The following NRG1 variants were observed in gnomAD, a reference collection of about 807,000 sequenced individuals.
The protein encoded by NRG1 is pro-neuregulin-1, membrane-bound isoform.
Under a neutral mutation model 63.8 loss-of-function variants are expected in NRG1, and 18 were observed. The ratio of observed to expected loss-of-function variants is 0.28; its 90% confidence interval spans 0.19 to 0.42. NRG1 has a LOEUF of 0.42. NRG1 is among the 10% of genes least tolerant of loss of function. The pLI, the probability that NRG1 is intolerant of heterozygous loss-of-function variation, is 1.00. For synonymous variants in NRG1, 302 were observed against 301.3 expected, an observed-to-expected ratio of 1.00 and a Z score of -0.02; for missense variants, 762 against 814.7, an observed-to-expected ratio of 0.94 and a Z score of 0.79.
At chr8:31,918,491 T>A (rs1309314764) in intron 1 of NRG1, among the ~76,000 whole-genome samples, 4 of 152,264 alleles carry the variant, frequency 2.6e-5, no homozygotes, top group Non-Finnish European at 5.9e-5. Context: ...TCTGTTTATA[T>A]GCTGGATTAC....
intron 1 of NRG1, among the ~76,000 whole-genome samples, chr8:31,788,181 G>A (rs1471262630): frequency 1.3e-5 from 2 of 151,738 alleles, no homozygotes; most frequent in African/African-American, 4.8e-5. Context: ...ATAAAAATTG[G>A]GAAAAAATTA....
At chr8:32,431,423 G>C (rs545591886) in intron 1 of NRG1, among the ~76,000 whole-genome samples, 2 of 152,094 alleles carry the variant, frequency 1.3e-5, no homozygotes, top group Non-Finnish European at 2.9e-5. Context: ...TTATTCTCAG[G>C]CCTCCCAGGG....
rs113885858 is a variant in NRG1 at position 32,247,597 on chromosome 8, G to T, written c.38-348231G>T. ...TTTGGGAGGGAAAATATCAAAAGTT[G>T]TCAGGAGATTGGGACACTTTACTAG... On this transcript the variant is annotated intron_variant, in intron 1 of 10. Transcript: ENST00000519301. Among the ~76,000 whole-genome samples the T allele has an allele frequency of 1.9e-4, 29 of 152,166 alleles. 1 individual carries two copies. Among genetic ancestry groups the T allele is most frequent in the African/African-American group, 5.5e-4 (23 of 41,550 alleles).
chr8:32,144,611 C>T (rs1836667319), intron 1 of NRG1, among the ~76,000 whole-genome samples: 1 of 152,066 alleles, frequency 6.6e-6, no homozygotes, highest in African/African-American at 2.4e-5. Flanking sequence ...GCAGGAATTC[C>T]CTTCATTGAC....
intron 1 of NRG1, among the ~76,000 whole-genome samples, chr8:32,005,345 G>A (rs768915236): frequency 1.3e-5 from 2 of 151,910 alleles, no homozygotes; most frequent in Admixed American, 6.6e-5. Flanking sequence ...GGAAGACATC[G>A]TAGAAATTCC....
At chr8:32,444,115 T>C (rs1819936514) in intron 1 of NRG1, among the ~76,000 whole-genome samples, 1 of 150,890 alleles carries the variant, frequency 6.6e-6, no homozygotes, top group Non-Finnish European at 1.5e-5. Context: ...TTTCTGTCTG[T>C]CTGTCTGTCT....
intron 1 of NRG1, among the ~76,000 whole-genome samples, chr8:31,813,746 C>T (rs57944655): frequency 0.16 from 23,686 of 151,798 alleles, 2,146 homozygotes; most frequent in Non-Finnish European, 0.19. Flanking sequence ...AGGCTGGTCT[C>T]GAACTCCTCG....
At chr8:31,999,135 G>A (rs1812514647) in intron 1 of NRG1, among the ~76,000 whole-genome samples, 1 of 151,720 alleles carries the variant, frequency 6.6e-6, no homozygotes, top group Admixed American at 6.6e-5. Context: ...AACACTGGAA[G>A]TATTTTCCAA....
At chr8:32,378,768 C>T (rs1018339430) in intron 1 of NRG1, among the ~76,000 whole-genome samples, 2 of 145,464 alleles carry the variant, frequency 1.4e-5, no homozygotes, top group African/African-American at 2.5e-5. Context: ...ATCCCTCCCC[C>T]GTCCCCCAAC....
rs112782800 is a variant in NRG1 at position 32,122,471 on chromosome 8, C to T, written c.38-473357C>T. On this transcript the variant is annotated intron_variant, in intron 1 of 10. Transcript: ENST00000519301. ...TATTCACATGGGTGAAAATCCTATT[C>T]GTAATGATTGAACTCAATTATAACT... 1.1e-3 allele frequency among the ~76,000 whole-genome samples: 170 copies of T among 152,008 alleles called. 2 individuals carry two copies. The highest frequency in any genetic ancestry group is 3.7e-3 in the African/African-American group (153 of 41,492).
intron 1 of NRG1, among the ~76,000 whole-genome samples, chr8:32,437,855 C>T (rs1385025700): frequency 3.3e-5 from 5 of 151,968 alleles, no homozygotes; most frequent in Non-Finnish European, 7.4e-5. Context: ...TAGTAAATGC[C>T]TCTCAGCAAA....
At chr8:31,864,910 G>C (rs1351760566) in intron 1 of NRG1, among the ~76,000 whole-genome samples, 1 of 152,142 alleles carries the variant, frequency 6.6e-6, no homozygotes, top group Non-Finnish European at 1.5e-5. Flanking sequence ...GGAGAGTAGA[G>C]AGCACCACTG....
chr8:32,088,580 C>T (rs531983492), intron 1 of NRG1, among the ~76,000 whole-genome samples: 17 of 148,074 alleles, frequency 1.1e-4, no homozygotes, highest in African/African-American at 3.3e-4. Context: ...TGCAGTGGTG[C>T]GATCTGGGCT....
Position 32,503,231 on chromosome 8 carries a change from A to G in NRG1, c.38-92597A>G, listed in dbSNP as rs577624409. 9.2e-5 allele frequency among the ~76,000 whole-genome samples: 13 copies of G among 141,538 alleles called. No homozygotes were observed. In the East Asian group the frequency reaches 2.6e-3, roughly 28 times the overall value. The allele number at this position is 141,538 out of a possible 152,430, so 92.9% of individuals were successfully genotyped here. A position where few individuals can be genotyped will look rare whatever the true frequency, so the allele number is the denominator to read the frequency against. On this transcript the variant is annotated intron_variant, in intron 1 of 10. Coordinates refer to the NRG1 transcript ENST00000519301. ...GAACCAGGGAGGCGGAGCTTGCAGT[A>G]AGCCGAGATGGTGCCACTGCACTCC...
intron 1 of NRG1, among the ~76,000 whole-genome samples, chr8:32,284,477 C>CCCTGCCTGCCTGCCTGCCTG (rs202212855): frequency 1.3e-4 from 18 of 141,220 alleles, no homozygotes; most frequent in African/African-American, 4.3e-4. Flanking sequence ...ATGCTTGCCT[C>CCCTGCCTGCCTGCCTGCCTG]CCTGCCTGCC....
chr8:32,623,665 G>A (rs373980659), intron 5 of NRG1, among the ~76,000 whole-genome samples: 8 of 152,234 alleles, frequency 5.3e-5, no homozygotes, highest in East Asian at 1.9e-4. Context: ...GTTGGGGCTC[G>A]TATATTATAG....
At chr8:31,944,762 C>T (rs192270741) in intron 1 of NRG1, among the ~76,000 whole-genome samples, 2 of 152,098 alleles carry the variant, frequency 1.3e-5, no homozygotes, top group East Asian at 1.9e-4. Context: ...CTCAGTAATC[C>T]GCATGCAATT....
At chr8:32,764,008 A>C in exon 12 of NRG1, 1 of 1,614,036 alleles carries the variant, frequency 6.2e-7, no homozygotes, top group Non-Finnish European at 8.5e-7. Flanking sequence ...CATGACAGTA[A>C]CAGCCTCCCT....
At chr8:31,901,189 G>A (rs1418671919) in intron 1 of NRG1, among the ~76,000 whole-genome samples, 1 of 152,078 alleles carries the variant, frequency 6.6e-6, no homozygotes, top group Admixed American at 6.5e-5. Context: ...ACTAGGAATG[G>A]AGAACATTTA....
Sources: gnomAD v4.1 joint callset for allele counts (sites outside exome capture counted in the v4.1 genomes callset) on GRCh38, gnomAD v4.1.1 for gene constraint, MANE v1.5 for transcripts, NCBI Gene and HGNC (gene_info 2026-07-23, HGNC 2026-07-21) for gene names.